GALNTL6: variants seen among roughly 807,000 people sequenced by gnomAD.
GALNTL6 encodes polypeptide N-acetylgalactosaminyltransferase-like 6.
Under a neutral mutation model 73.7 loss-of-function variants are expected in GALNTL6, and 46 were observed. That is an observed-to-expected ratio of 0.62 (90% CI 0.49 to 0.80). The LOEUF is 0.80. GALNTL6 is among the 30% of genes least tolerant of loss of function. GALNTL6 has a pLI of 0.00. For missense variants in GALNTL6, 604 were observed against 755.0 expected (o/e 0.80, Z 2.34); for synonymous variants, 259 against 263.7 (o/e 0.98, Z 0.17).
chr4:173,025,758 A>G (rs528939969), intron 12 of GALNTL6, among the ~76,000 whole-genome samples: 1 of 152,328 alleles, frequency 6.6e-6, no homozygotes, highest in South Asian at 2.1e-4. Context: ...ATCAGCCCTT[A>G]GAGTTATTCA....
chr4:172,350,094 G>T (rs548457438), intron 5 of GALNTL6, among the ~76,000 whole-genome samples: 6 of 152,030 alleles, frequency 3.9e-5, no homozygotes. Context: ...TTAATAAAAC[G>T]TTGACTTCAA....
In GALNTL6 at chr4:171,970,387, A is replaced by ATAT. The variant is rs1739531368; in HGVS notation, c.138+155673_138+155675dup. ...GTAAAAGTTTTGTACTTTAGTAAGG[A>ATAT]TATTATAAAGCTTTCAAGGAATACT... On this transcript the variant is annotated intron_variant, in intron 2 of 12. Transcript: ENST00000506823. Among the ~76,000 whole-genome samples the ATAT allele has an allele frequency of 2.0e-5, 3 of 152,224 alleles. No homozygotes were observed. The South Asian group carries it at 6.2e-4, about 32-fold the overall frequency.
chr4:171,903,264 G>A (rs1052353242), intron 2 of GALNTL6, among the ~76,000 whole-genome samples: 3 of 152,080 alleles, frequency 2.0e-5, no homozygotes, highest in Non-Finnish European at 4.4e-5. Flanking sequence ...GCCAGACAGT[G>A]GGCGCAGGTC....
At chr4:172,160,876 T>TTA (rs917847917) in intron 2 of GALNTL6, among the ~76,000 whole-genome samples, 26 of 146,992 alleles carry the variant, frequency 1.8e-4, no homozygotes, top group East Asian at 5.9e-4. Flanking sequence ...GTATTGGAGA[T>TTA]TATATATATA....
intron 2 of GALNTL6, among the ~76,000 whole-genome samples, chr4:172,142,956 C>T (rs1733839030): frequency 6.6e-6 from 1 of 151,844 alleles, no homozygotes; most frequent in Admixed American, 6.6e-5. Flanking sequence ...TGGTTATGAA[C>T]ATATCCAATT....
intron 4 of GALNTL6, among the ~76,000 whole-genome samples, chr4:172,328,715 C>T (rs56297446): frequency 6.6e-6 from 1 of 152,108 alleles, no homozygotes; most frequent in Non-Finnish European, 1.5e-5. Flanking sequence ...GAGAAATTCT[C>T]GTAGTGTGTT....
intron 5 of GALNTL6, among the ~76,000 whole-genome samples, chr4:172,805,672 G>T (rs1222387262): frequency 6.6e-6 from 1 of 152,026 alleles, no homozygotes; most frequent in Admixed American, 6.5e-5. Flanking sequence ...TAAAATTAAA[G>T]AAGTTCAAAA....
chr4:172,850,096 G>A (rs1179824888), intron 7 of GALNTL6, among the ~76,000 whole-genome samples: 1 of 152,196 alleles, frequency 6.6e-6, no homozygotes, highest in East Asian at 1.9e-4. Context: ...AAGCCTAGAA[G>A]ATGAAAAGAA....
intron 7 of GALNTL6, among the ~76,000 whole-genome samples, chr4:172,831,094 G>A (rs1742603891): frequency 7.0e-6 from 1 of 143,480 alleles, no homozygotes; most frequent in South Asian, 2.2e-4. Flanking sequence ...GGAGGCGGAG[G>A]TTGCAGTGAG....
At chr4:172,641,540 G>C in intron 5 of GALNTL6, among the ~76,000 whole-genome samples, 1 of 151,956 alleles carries the variant, frequency 6.6e-6, no homozygotes. Context: ...TGGACAAACT[G>C]CTAACTGCAT....
At chr4:173,014,468 C>T (rs190581053) in intron 11 of GALNTL6, among the ~76,000 whole-genome samples, 3 of 152,306 alleles carry the variant, frequency 2.0e-5, no homozygotes, top group Non-Finnish European at 2.9e-5. Flanking sequence ...AGCTTTCGTC[C>T]TCCCGAGGAA....
chr4:171,979,404 G>A (rs983754971), intron 2 of GALNTL6, among the ~76,000 whole-genome samples: 1 of 151,920 alleles, frequency 6.6e-6, no homozygotes, highest in Non-Finnish European at 1.5e-5. Flanking sequence ...AAAAAATATC[G>A]ACACAACCCA....
chr4:172,707,808 A>AC (rs5864158), intron 5 of GALNTL6, among the ~76,000 whole-genome samples: 150,857 of 152,190 alleles, frequency 0.99, 74,784 homozygotes, highest in Middle Eastern at 1. Flanking sequence ...TTCTTGCCAA[A>AC]CTGTTTAACA....
chr4:172,842,949 G>A (rs950601372), intron 7 of GALNTL6, among the ~76,000 whole-genome samples: 11 of 152,086 alleles, frequency 7.2e-5, no homozygotes, highest in Non-Finnish European at 1.5e-4. Context: ...AGAGAATAAC[G>A]ACTTCCGCAA....
chr4:172,968,269 C>A (rs1750423161), intron 10 of GALNTL6, among the ~76,000 whole-genome samples: 1 of 152,142 alleles, frequency 6.6e-6, no homozygotes, highest in African/African-American at 2.4e-5. Context: ...CAGAAATCAA[C>A]AACAAGCATT....
intron 2 of GALNTL6, among the ~76,000 whole-genome samples, chr4:172,177,948 G>T (rs2110843862): frequency 6.6e-6 from 1 of 150,754 alleles, no homozygotes; most frequent in African/African-American, 2.4e-5. Context: ...GTTGCCCTTT[G>T]AAGCCATCGT....
intron 2 of GALNTL6, among the ~76,000 whole-genome samples, chr4:172,177,821 A>C (rs978868491): frequency 7.3e-6 from 1 of 137,124 alleles, no homozygotes; most frequent in African/African-American, 2.9e-5. Context: ...ATGTGTGTGT[A>C]TATATACACA....
At chr4:173,038,637 C>T (rs1753789902) in intron 12 of GALNTL6, among the ~76,000 whole-genome samples, 1 of 152,196 alleles carries the variant, frequency 6.6e-6, no homozygotes, top group South Asian at 2.1e-4. Context: ...AGGCACAGCT[C>T]TTTGTTTACA....
At chr4:172,441,037 C>A (rs1731818745) in intron 5 of GALNTL6, among the ~76,000 whole-genome samples, 1 of 151,870 alleles carries the variant, frequency 6.6e-6, no homozygotes, top group Admixed American at 6.6e-5. Flanking sequence ...CAAATTTTTT[C>A]TCATATTTTA....
Sources: gnomAD v4.1 joint callset for allele counts (sites outside exome capture counted in the v4.1 genomes callset) on GRCh38, gnomAD v4.1.1 for gene constraint, MANE v1.5 for transcripts, NCBI Gene and HGNC (gene_info 2026-07-23, HGNC 2026-07-21) for gene names.